Variants in FBXO22 observed in about 807,000 individuals in gnomAD.
FBXO22 encodes F-box only protein 22.
Under a neutral mutation model 37.2 loss-of-function variants are expected in FBXO22, and 13 were observed. That is an observed-to-expected ratio of 0.35 (90% CI 0.23 to 0.56). The LOEUF (loss-of-function observed/expected upper bound fraction) is 0.56. Among genes scored for constraint, FBXO22 ranks in the 20% least tolerant of loss-of-function variants. The pLI, the probability that FBXO22 is intolerant of heterozygous loss-of-function variation, is 0.87. For synonymous variants in FBXO22, 189 were observed against 189.1 expected (o/e 1.00, Z 0.00); for missense variants, 446 against 509.9 (o/e 0.87, Z 1.21).
In FBXO22 at chr15:75,942,346, C is replaced by T. The variant is rs1312085707; in HGVS notation, c.*9244C>T. 1 of 139,796 alleles carries T rather than the reference C, an allele frequency of 7.2e-6. No homozygotes were observed. The highest frequency in any genetic ancestry group is 1.5e-5 in the Non-Finnish European group (1 of 65,340). 8.7% of individuals were successfully genotyped at this position (139,796 alleles called of 1,614,324 possible). A position where few individuals can be genotyped will look rare whatever the true frequency, so the allele number is the denominator to read the frequency against. On this transcript the variant is annotated 3_prime_UTR_variant, in exon 7 of 7. Transcript: ENST00000308275. Reference sequence around the variant, plus strand: ...TGGATGACAGAGTGAGACTTTGTCTCAAAAAGTAAAGTAAAAATGTGTCAA... The same window carrying T: ...TGGATGACAGAGTGAGACTTTGTCTTAAAAAGTAAAGTAAAAATGTGTCAA...
chr15:75,907,149 C>A lies in FBXO22; in HGVS notation c.279+2520C>A, dbSNP rs187982805. On this transcript the variant is annotated intron_variant, in intron 2 of 6. Transcript: ENST00000308275. The stretch of plus-strand genomic sequence containing the variant: ...TTTAAGAGTTTATACATTGTAGTGG[C>A]TGTTAATAGCCAGACAGACTTAGTT... Among the ~76,000 whole-genome samples, 1,167 of 152,234 alleles carry A rather than the reference C, an allele frequency of 7.7e-3. 8 individuals carry two copies. The highest frequency in any genetic ancestry group is 0.012 in the Non-Finnish European group (798 of 68,020).
In FBXO22 at chr15:75,940,592, C is replaced by A. The variant is rs1390120972; in HGVS notation, c.*7490C>A. 6.6e-6 allele frequency: 1 copy of A among 151,822 alleles called. No homozygotes were observed. Among genetic ancestry groups the A allele is most frequent in the African/African-American group, 2.4e-5 (1 of 41,336 alleles). 9.4% of individuals were successfully genotyped at this position (151,822 alleles called of 1,614,324 possible). A position where few individuals can be genotyped will look rare whatever the true frequency, so the allele number is the denominator to read the frequency against. ...TTAAACCTGCAGAGTTTAAAACTTACTATAATGCTACAGTAATCAAAACAA... is the reference window on the plus strand; with the variant it reads ...TTAAACCTGCAGAGTTTAAAACTTAATATAATGCTACAGTAATCAAAACAA... On this transcript the variant is annotated 3_prime_UTR_variant, in exon 7 of 7. Coordinates refer to ENST00000308275, the MANE Select transcript of FBXO22 (RefSeq NM_147188.3).
At chr15:75,914,249 G>A (rs1368593012) in intron 4 of FBXO22, 44 bp downstream of exon 4, 1 of 1,375,314 alleles carries the variant, frequency 7.3e-7, no homozygotes, top group South Asian at 1.2e-5. Context: ...TTGCATTAAT[G>A]TGGGGTCCTT....
rs150244660 is a variant in FBXO22, at chr15:75,927,620, A to G, written c.629-2264A>G. ...AAAGAAGAAAATATATTCTCTTAAA[A>G]TTTCGTGGGCTAGTCTATAAGGGAA... is the stretch of plus-strand genomic sequence containing the variant. On this transcript the variant is annotated intron_variant, in intron 5 of 6. Coordinates refer to ENST00000308275, the MANE Select transcript of FBXO22 (RefSeq NM_147188.3). Among the ~76,000 whole-genome samples the G allele has an allele frequency of 2.0e-5, 3 of 152,318 alleles. No homozygotes were observed. In the East Asian group the frequency reaches 5.8e-4, roughly 29 times the overall value.
intron 2 of FBXO22, among the ~76,000 whole-genome samples, chr15:75,907,350 AC>A (rs1446584012): frequency 2.0e-5 from 3 of 152,270 alleles, no homozygotes; most frequent in African/African-American, 7.2e-5. Flanking sequence ...AACATTACTT[AC>A]AATACCAGGA....
At chr15:75,911,400 G>A (rs753948272) in intron 2 of FBXO22, among the ~76,000 whole-genome samples, 1 of 152,148 alleles carries the variant, frequency 6.6e-6, no homozygotes, top group Non-Finnish European at 1.5e-5. Context: ...CCTTGAGCAT[G>A]GAATGTTTTT....
intron 5 of FBXO22, among the ~76,000 whole-genome samples, chr15:75,926,879 G>A (rs1240329132): frequency 6.6e-6 from 1 of 152,218 alleles, no homozygotes; most frequent in Admixed American, 6.5e-5. Flanking sequence ...GAGTAGGTGG[G>A]TGAATTACTG....
At chr15:75,908,266 T>G (rs566020241) in intron 2 of FBXO22, among the ~76,000 whole-genome samples, 1 of 151,976 alleles carries the variant, frequency 6.6e-6, no homozygotes, top group East Asian at 1.9e-4. Flanking sequence ...ATCTGTTTTT[T>G]GTTTTGTTTG....
In FBXO22 at chr15:75,933,095, CTAAA is replaced by C. The variant is rs762558195; in HGVS notation, c.1209_1212del (p.Lys403AsnfsTer3). On this transcript the variant is annotated frameshift_variant, in exon 7 of 7. Coordinates refer to ENST00000308275, the MANE Select transcript of FBXO22 (RefSeq NM_147188.3). LOFTEE classifies it high-confidence loss of function. Reference sequence around the variant, plus strand: ...ATGGCACTCATACATCTGGGGTCATCTAAATAATAATTAAAGTGGCTTTCATAAT... The same window carrying C: ...ATGGCACTCATACATCTGGGGTCATCTAATAATTAAAGTGGCTTTCATAAT... 244 of 1,590,948 alleles carry C rather than the reference CTAAA, an allele frequency of 1.5e-4. No homozygotes were observed. Among genetic ancestry groups the C allele is most frequent in the African/African-American group, 1.1e-3 (82 of 73,680 alleles).
At chr15:75,910,962 A>G (rs1404671867) in intron 2 of FBXO22, among the ~76,000 whole-genome samples, 7 of 152,212 alleles carry the variant, frequency 4.6e-5, no homozygotes, top group African/African-American at 1.7e-4. Context: ...GAAGGGGTCC[A>G]GTTTTAGTTT....
intron 5 of FBXO22, among the ~76,000 whole-genome samples, chr15:75,926,837 A>G (rs1176520441): frequency 6.6e-6 from 1 of 152,230 alleles, no homozygotes; most frequent in Admixed American, 6.5e-5. Context: ...AACCTTTTGA[A>G]GAAAGGAAGA....
intron 5 of FBXO22, among the ~76,000 whole-genome samples, chr15:75,929,404 C>T (rs2029925315): frequency 6.6e-6 from 1 of 152,030 alleles, no homozygotes; most frequent in Non-Finnish European, 1.5e-5. Flanking sequence ...TTGGCATGGG[C>T]AGGGGGCACT....
At chr15:75,920,872 A>G (rs1275135211) in intron 5 of FBXO22, among the ~76,000 whole-genome samples, 1 of 152,194 alleles carries the variant, frequency 6.6e-6, no homozygotes, top group Non-Finnish European at 1.5e-5. Flanking sequence ...AAGGTGACAT[A>G]ACTGGATGTA....
chr15:75,919,776 C>G lies in FBXO22; in HGVS notation c.628+2382C>G, dbSNP rs185559104. Among the ~76,000 whole-genome samples the G allele has an allele frequency of 2.6e-4, 39 of 152,270 alleles. 1 individual carries two copies. The highest frequency in any genetic ancestry group is 3.4e-3 in the Middle Eastern group (1 of 294). On this transcript the variant is annotated intron_variant, in intron 5 of 6. Transcript: ENST00000308275. ...GGGGAATAGTAGGGTTCTAAGTGTC[C>G]TTAGCTCATTCAGAAGCCACATGCC...
At chr15:75,911,748 T>C (rs335702) in intron 2 of FBXO22, among the ~76,000 whole-genome samples, 149,001 of 151,606 alleles carry the variant, frequency 0.98, 73,270 homozygotes, top group East Asian at 1. Flanking sequence ...TATTTGAATA[T>C]GCTTTATTCT....
chr15:75,911,422 T>C (rs1900050238), intron 2 of FBXO22, among the ~76,000 whole-genome samples: 1 of 152,234 alleles, frequency 6.6e-6, no homozygotes, highest in Non-Finnish European at 1.5e-5. Flanking sequence ...CATTTGTTTG[T>C]GTCCTCTCTT....
rs1198652442 is a variant in FBXO22, at chr15:75,935,589, GA to G, written c.*2488del. ...ACCTTGAAATTAAGACCTAGAAATA[GA>G]TCCACCCTTGCAGACTGATAAAAGT... On this transcript the variant is annotated 3_prime_UTR_variant, in exon 7 of 7. Coordinates refer to ENST00000308275, the MANE Select transcript of FBXO22 (RefSeq NM_147188.3). The G allele has an allele frequency of 6.7e-6, 1 of 150,356 alleles. No individual in the cohort carries two copies. Among genetic ancestry groups the G allele is most frequent in the Non-Finnish European group, 1.5e-5 (1 of 67,742 alleles). The allele number at this position is 150,356 out of a possible 1,614,324, so 9.3% of individuals were successfully genotyped here.
At chr15:75,904,841 T>TTG (rs1899887221) in intron 2 of FBXO22, among the ~76,000 whole-genome samples, 1 of 148,724 alleles carries the variant, frequency 6.7e-6, no homozygotes, top group Non-Finnish European at 1.5e-5. Context: ...TTTTTTTTTT[T>TTG]GAGACGTAGT....
Position 75,935,497 on chromosome 15 carries a change from G to C in FBXO22, c.*2395G>C, listed in dbSNP as rs2030253435. 1 of 151,876 alleles carries C rather than the reference G, an allele frequency of 6.6e-6. No homozygotes were observed. Among genetic ancestry groups the C allele is most frequent in the Non-Finnish European group, 1.5e-5 (1 of 67,994 alleles). The allele number at this position is 151,876 out of a possible 1,614,324, so 9.4% of individuals were successfully genotyped here. The stretch of plus-strand genomic sequence containing the variant: ...TCTGGGGCTAGTTTCCTTTGTATAA[G>C]GCTTAAGCAAGGAATATATTTCCAT... On this transcript the variant is annotated 3_prime_UTR_variant, in exon 7 of 7. Coordinates refer to ENST00000308275, the MANE Select transcript of FBXO22 (RefSeq NM_147188.3).
Sources: allele counts gnomAD v4.1 joint callset (sites outside exome capture counted in the v4.1 genomes callset), GRCh38; gene constraint gnomAD v4.1.1; transcripts MANE v1.5; gene names NCBI Gene and HGNC (gene_info 2026-07-23, HGNC 2026-07-21).